The following MDFIC variants were observed in gnomAD, a reference collection of about 807,000 sequenced individuals.
The protein encoded by MDFIC is MyoD family inhibitor domain containing, also known as myoD family inhibitor domain-containing protein.
Under a neutral mutation model 23.2 loss-of-function variants are expected in MDFIC, and 17 were observed. The ratio of observed to expected loss-of-function variants is 0.73; its 90% CI spans 0.50 to 1.10. The LOEUF (loss-of-function observed/expected upper bound fraction) is 1.10. MDFIC is among the 50% of genes least tolerant of loss of function. The pLI is 0.00. For synonymous variants in MDFIC, 120 were observed against 115.2 expected, an observed-to-expected ratio of 1.04 and a Z score of -0.27; for missense variants, 356 against 316.6, an observed-to-expected ratio of 1.12 and a Z score of -0.95.
intron 3 of MDFIC, among the ~76,000 whole-genome samples, chr7:114,947,760 T>G (rs926200363): frequency 5.3e-5 from 8 of 152,216 alleles, no homozygotes; most frequent in African/African-American, 9.6e-5. Flanking sequence ...CTCTCTGAGC[T>G]CTAACTTCTC....
intron 4 of MDFIC, among the ~76,000 whole-genome samples, chr7:114,994,841 T>C (rs1017955809): frequency 4.6e-5 from 7 of 152,176 alleles, no homozygotes; most frequent in Admixed American, 3.9e-4. Context: ...GTTGCTCTTC[T>C]TGAGGAGTAT....
chr7:114,961,923 G>T (rs919158466), intron 3 of MDFIC, among the ~76,000 whole-genome samples: 67 of 152,070 alleles, frequency 4.4e-4, no homozygotes, highest in Non-Finnish European at 3.1e-4. Context: ...CACTCTAACT[G>T]AATGTTTCTA....
chr7:114,951,511 C>T (rs1353047700), intron 3 of MDFIC, among the ~76,000 whole-genome samples: 1 of 152,088 alleles, frequency 6.6e-6, no homozygotes, highest in Non-Finnish European at 1.5e-5. Flanking sequence ...AGATTAATAT[C>T]AAATTATACA....
At position 114,922,657 on chromosome 7, in the gene MDFIC, G is replaced by C. The variant is rs746753075; in HGVS notation, c.-108+21G>C. 6 of 1,309,468 alleles carry C rather than the reference G, an allele frequency of 4.6e-6. No homozygotes were observed. The African/African-American group carries it at 7.7e-5, about 17-fold the overall frequency. The allele number at this position is 1,309,468 out of a possible 1,614,324, so 81.1% of individuals were successfully genotyped here. ...CGGAGGTAGGTAGTGGTCTCCGGGC[G>C]GGGAAGAGGAGGGGTTTGATCCCCA... On this transcript the variant is annotated intron_variant, in intron 1 of 4. Transcript: ENST00000393486.
At chr7:114,926,511 C>G (rs569899317) in intron 2 of MDFIC, among the ~76,000 whole-genome samples, 15 of 152,094 alleles carry the variant, frequency 9.9e-5, no homozygotes, top group Non-Finnish European at 2.1e-4. Context: ...TTCCCCCAAC[C>G]CCCCAAGACA....
intron 3 of MDFIC, among the ~76,000 whole-genome samples, chr7:114,956,130 A>G (rs1246876783): frequency 6.6e-6 from 1 of 152,104 alleles, no homozygotes; most frequent in Non-Finnish European, 1.5e-5. Context: ...AGTTGTTCCA[A>G]GTTATAACCT....
At chr7:114,934,139 G>C (rs1298000354) in intron 2 of MDFIC, among the ~76,000 whole-genome samples, 2 of 152,172 alleles carry the variant, frequency 1.3e-5, no homozygotes. Flanking sequence ...TGAACATATT[G>C]TTTGGCTGAA....
At chr7:114,992,235 TAAG>T (rs1359780688) in intron 4 of MDFIC, among the ~76,000 whole-genome samples, 2 of 152,218 alleles carry the variant, frequency 1.3e-5, no homozygotes, top group Non-Finnish European at 2.9e-5. Context: ...CTTATCAGCT[TAAG>T]GAGATTTTGG....
In MDFIC at chr7:114,979,633, C is replaced by T. The variant is rs770462939; in HGVS notation, c.345C>T (p.His115=). 1.3e-5 allele frequency: 21 copies of T among 1,613,912 alleles called. No individual in the cohort carries two copies. Among genetic ancestry groups the T allele is most frequent in the Middle Eastern group, 1.6e-4 (1 of 6,084 alleles). The change falls in exon 4 of 5, where the codon CAC becomes CAT. Residue 115 remains histidine (H), a synonymous_variant. Coordinates refer to ENST00000393486, the MANE Select transcript of MDFIC (RefSeq NM_001166345.3). ...ATGGAATTCACCACGGGGCCAAACA[C>T]GGATCCGCAGATAATCGCAAACTTT... is the stretch of plus-strand genomic sequence containing the variant. ...NGNGIHHGAK[H]GSADNRKLSA...
At chr7:114,971,568 C>T (rs1316981291) in intron 3 of MDFIC, among the ~76,000 whole-genome samples, 3 of 152,240 alleles carry the variant, frequency 2.0e-5, no homozygotes, top group East Asian at 3.9e-4. Context: ...GGGAGGTCTT[C>T]TTGCATACTT....
intron 4 of MDFIC, among the ~76,000 whole-genome samples, chr7:114,994,420 A>G (rs1341408292): frequency 1.3e-5 from 2 of 152,090 alleles, no homozygotes; most frequent in Non-Finnish European, 2.9e-5. Context: ...TTTGCTCCTT[A>G]GTTGATGCAG....
Position 115,019,508 on chromosome 7 carries a change from C to T in MDFIC, c.*3573C>T, listed in dbSNP as rs966346255. On this transcript the variant is annotated 3_prime_UTR_variant, in exon 5 of 5. Transcript: ENST00000393486. Reference sequence around the variant, plus strand: ...ATCACTGCCCAACATAAATAAGACTCGAGACTTATTAACATAAATAAGTAT... The same window carrying T: ...ATCACTGCCCAACATAAATAAGACTTGAGACTTATTAACATAAATAAGTAT... Among the ~76,000 whole-genome samples, 13 of 152,030 alleles carry T rather than the reference C, an allele frequency of 8.6e-5. No homozygotes were observed. Among genetic ancestry groups the T allele is most frequent in the South Asian group, 2.1e-4 (1 of 4,812 alleles).
intron 4 of MDFIC, among the ~76,000 whole-genome samples, chr7:115,007,632 A>G (rs58497110): frequency 0.016 from 106 of 6,708 alleles, no homozygotes; most frequent in African/African-American, 0.022. Flanking sequence ...GTGTGTGTGT[A>G]TATATATATA....
chr7:114,984,455 G>A (rs942166363), intron 4 of MDFIC, among the ~76,000 whole-genome samples: 2 of 151,848 alleles, frequency 1.3e-5, no homozygotes, highest in Non-Finnish European at 2.9e-5. Flanking sequence ...AAAATAAAAT[G>A]TGTGCTCATA....
intron 4 of MDFIC, among the ~76,000 whole-genome samples, chr7:114,980,940 G>A (rs902747553): frequency 6.6e-6 from 1 of 152,196 alleles, no homozygotes; most frequent in Non-Finnish European, 1.5e-5. Context: ...CAAATGATAT[G>A]ATAATAAATG....
chr7:114,956,969 GGCTTAA>G (rs1792896356), intron 3 of MDFIC, among the ~76,000 whole-genome samples: 1 of 152,078 alleles, frequency 6.6e-6, no homozygotes, highest in Non-Finnish European at 1.5e-5. Context: ...TTGGCTCCTT[GGCTTAA>G]CCCTTAGCTC....
intron 2 of MDFIC, among the ~76,000 whole-genome samples, chr7:114,931,829 T>C (rs573347111): frequency 1.3e-5 from 2 of 152,190 alleles, no homozygotes; most frequent in Non-Finnish European, 2.9e-5. Context: ...TTATGCCGTG[T>C]TGAGCCTTGA....
chr7:114,960,290 C>G (rs2115858752), intron 3 of MDFIC, among the ~76,000 whole-genome samples: 1 of 152,210 alleles, frequency 6.6e-6, no homozygotes, highest in South Asian at 2.1e-4. Flanking sequence ...GGAAGAAGTA[C>G]AGGGCCATTG....
chr7:114,981,277 C>T (rs1410399161), intron 4 of MDFIC, among the ~76,000 whole-genome samples: 3 of 152,152 alleles, frequency 2.0e-5, no homozygotes, highest in South Asian at 2.1e-4. Context: ...TGGTAACATT[C>T]GCATATCAGT....
Sources: allele counts gnomAD v4.1 joint callset (sites outside exome capture counted in the v4.1 genomes callset), GRCh38; gene constraint gnomAD v4.1.1; transcripts MANE v1.5; gene names NCBI Gene and HGNC (gene_info 2026-07-23, HGNC 2026-07-21).